The following ZNF182 variants were observed in gnomAD, a reference collection of about 807,000 sequenced individuals.
ZNF182 encodes zinc finger protein 21 (KOX 14).
In ZNF182, 10 loss-of-function variants were observed where a neutral mutation model predicts 28.1. That is an observed-to-expected ratio of 0.36 (90% CI 0.22 to 0.60). The LOEUF (loss-of-function observed/expected upper bound fraction) is 0.60. Ranked by LOEUF, ZNF182 falls within the 20% of genes least tolerant of loss-of-function variation. ZNF182 has a pLI of 0.75. For missense variants in ZNF182, 352 were observed against 453.2 expected, an observed-to-expected ratio of 0.78 and a Z score of 2.03; for synonymous variants, 156 against 158.7, an observed-to-expected ratio of 0.98 and a Z score of 0.13.
At chrX:47,994,473 A>G (rs782743011) in intron 3 of ZNF182, among the ~76,000 whole-genome samples, 2 of 111,697 alleles carry the variant, frequency 1.8e-5, no homozygotes, top group Non-Finnish European at 3.8e-5. Context: ...AAGAACCAGG[A>G]ACAACAGAGC....
chrX:47,986,079 T>C (rs978856117), intron 3 of ZNF182, among the ~76,000 whole-genome samples: 1 of 112,098 alleles, frequency 8.9e-6, no homozygotes, highest in Non-Finnish European at 1.9e-5. Context: ...AATGGGAAAC[T>C]ACACCAACCC....
intron 3 of ZNF182, among the ~76,000 whole-genome samples, chrX:47,991,794 G>A (rs73632373): frequency 0.021 from 2,375 of 110,591 alleles, 67 homozygotes; most frequent in African/African-American, 0.074. Flanking sequence ...AACAACGGAA[G>A]GCAACCCAGG....
chrX:47,976,748 C>T lies in ZNF182; in HGVS notation c.1282G>A (p.Val428Ile), dbSNP rs1556898208. 5 of 1,210,809 alleles carry T rather than the reference C, an allele frequency of 4.1e-6. No individual in the cohort carries two copies. The South Asian group carries it at 5.3e-5, about 13-fold the overall frequency. Residue 428 changes from valine (V) to isoleucine (I), a missense_variant, in exon 6 of 6, where the codon GTA (valine) becomes ATA (isoleucine). Transcript: ENST00000376943. ...KTFTQKSNLG[V>I]HQRTHSGEKP... is the part of the protein sequence containing the mutation. Reference sequence around the variant, plus strand: ...TCTCCTGAATGAGTTCTCTGATGTACACCAAGGTTTGACTTTTGCGTGAAG... The same window carrying T: ...TCTCCTGAATGAGTTCTCTGATGTATACCAAGGTTTGACTTTTGCGTGAAG...
intron 3 of ZNF182, among the ~76,000 whole-genome samples, chrX:47,994,752 C>T (rs1455554731): frequency 9.0e-6 from 1 of 111,032 alleles, no homozygotes; most frequent in Non-Finnish European, 1.9e-5. Context: ...GATTCTCCCA[C>T]CTCAGCCTCC....
Position 47,976,037 on chromosome X carries a change from T to C in ZNF182, c.*130A>G. The C allele has an allele frequency of 1.4e-6, 1 of 700,136 alleles. No individual in the cohort carries two copies. The highest frequency in any genetic ancestry group is 2.0e-6 in the Non-Finnish European group (1 of 498,176). 57.7% of individuals were successfully genotyped at this position (700,136 alleles called of 1,213,427 possible). On this transcript the variant is annotated 3_prime_UTR_variant, in exon 6 of 6. Transcript: ENST00000376943. ...TCTCCCGTAGCTTTTGGGTTATGAC[T>C]GAGATGAAAAGAAGAAAGGCTGAAT...
chrX:48,002,272 T>C (rs1479330686), intron 3 of ZNF182, among the ~76,000 whole-genome samples: 1 of 112,077 alleles, frequency 8.9e-6, no homozygotes, highest in African/African-American at 3.2e-5. Flanking sequence ...AAGAAATACC[T>C]TTAAACACAA....
Position 47,976,427 on chromosome X carries a change from T to C in ZNF182, c.1603A>G (p.Lys535Glu). Residue 535 changes from lysine (K) to glutamate (E), a missense_variant, in exon 6 of 6, where the codon AAG becomes GAG. Transcript: ENST00000376943. ...CPVCWKAFSQKSQLIIHQRTH... is the reference protein window; with the variant it reads ...CPVCWKAFSQESQLIIHQRTH... ...CTCTGATGTATTATGAGCTGTGACT[T>C]CTGGCTAAAAGCTTTCCAACACACA... is the stretch of plus-strand genomic sequence containing the variant. 8.3e-7 allele frequency: 1 copy of C among 1,211,863 alleles called. No homozygotes were observed.
At chrX:47,999,683 A>G (rs1193245682) in intron 3 of ZNF182, among the ~76,000 whole-genome samples, 1 of 111,944 alleles carries the variant, frequency 8.9e-6, no homozygotes, top group African/African-American at 3.3e-5. Context: ...TTTAGTGCAT[A>G]TTTTCAAATA....
intron 3 of ZNF182, among the ~76,000 whole-genome samples, chrX:47,984,847 A>G: frequency 8.9e-6 from 1 of 112,209 alleles, no homozygotes. Context: ...TCACCATGGG[A>G]GATAAACAGA....
intron 3 of ZNF182, among the ~76,000 whole-genome samples, chrX:47,990,924 C>A (rs1383740508): frequency 8.9e-6 from 1 of 112,128 alleles, no homozygotes; most frequent in Admixed American, 9.4e-5. Context: ...CATGCACATT[C>A]ATTCCCTTCC....
chrX:47,995,010 T>C (rs782534186), intron 3 of ZNF182, among the ~76,000 whole-genome samples: 1 of 108,829 alleles, frequency 9.2e-6, no homozygotes, highest in Non-Finnish European at 1.9e-5. Flanking sequence ...CCATCTGCAA[T>C]GAGAAAGAGT....
intron 3 of ZNF182, among the ~76,000 whole-genome samples, chrX:47,998,991 A>C (rs2058969191): frequency 8.9e-6 from 1 of 112,440 alleles, no homozygotes; most frequent in Non-Finnish European, 1.9e-5. Context: ...TGCAACAGTC[A>C]AGTTATGGAA....
intron 3 of ZNF182, among the ~76,000 whole-genome samples, chrX:47,998,042 C>T (rs925950028): frequency 2.3e-4 from 25 of 110,331 alleles, no homozygotes; most frequent in Middle Eastern, 4.6e-3. Context: ...ATACAAAACA[C>T]GCCACTATAA....
Position 47,977,482 on chromosome X carries a change from C to T in ZNF182, c.548G>A (p.Gly183Glu). Reference sequence around the variant, plus strand: ...CTCTTTATAGCCATAGGGCTTCATTCCAGGATTTGTTTTCTCATACTCAGT... The same window carrying T: ...CTCTTTATAGCCATAGGGCTTCATTTCAGGATTTGTTTTCTCATACTCAGT... The part of the protein sequence containing the change: ...FHTEYEKTNP[G>E]MKPYGYKECG... The change falls in exon 6 of 6, where the codon GGA (glycine) becomes GAA (glutamate). Residue 183 changes from glycine to glutamate, a missense_variant. Coordinates refer to ENST00000376943, the MANE Select transcript of ZNF182 (RefSeq NM_001007088.2). 8.3e-7 allele frequency: 1 copy of T among 1,211,859 alleles called. No homozygotes were observed. Among genetic ancestry groups the T allele is most frequent in the East Asian group, 3.0e-5 (1 of 33,850 alleles).
intron 3 of ZNF182, among the ~76,000 whole-genome samples, chrX:47,993,362 C>T (rs1289654756): frequency 8.9e-6 from 1 of 112,127 alleles, no homozygotes; most frequent in Non-Finnish European, 1.9e-5. Flanking sequence ...TAAGTGCTTT[C>T]CTGAGTTCTG....
rs2058912188 is a variant in ZNF182 at position 47,983,185 on chromosome X, C to A, written c.142+100G>T. 40 of 1,157,887 alleles carry A rather than the reference C, an allele frequency of 3.5e-5. 1 individual carries two copies. The South Asian group carries it at 7.0e-4, about 20-fold the overall frequency. On this transcript the variant is annotated intron_variant, in intron 4 of 5. Coordinates refer to ENST00000376943, the MANE Select transcript of ZNF182 (RefSeq NM_001007088.2). ...TTAACCTGCATTTTGAGCTCACAAA[C>A]ACTTTTTCAGGAGAGAAAAGAGGGA...
intron 3 of ZNF182, among the ~76,000 whole-genome samples, chrX:47,990,702 T>C (rs782266176): frequency 8.9e-6 from 1 of 111,895 alleles, no homozygotes; most frequent in East Asian, 2.8e-4. Flanking sequence ...AATTATATGA[T>C]TGGCAAGGTA....
At chrX:47,980,600 T>A (rs2058902210) in intron 5 of ZNF182, among the ~76,000 whole-genome samples, 2 of 111,686 alleles carry the variant, frequency 1.8e-5, no homozygotes, top group Admixed American at 9.6e-5. Context: ...TAAAACTTTT[T>A]AAAATGTTTA....
chrX:47,996,820 G>A (rs1179542604), intron 3 of ZNF182, among the ~76,000 whole-genome samples: 9 of 112,072 alleles, frequency 8.0e-5, no homozygotes, highest in Non-Finnish European at 1.5e-4. Context: ...TGTGAGCAGA[G>A]GAAAGGCCAT....
Sources: gnomAD v4.1 joint callset for allele counts (sites outside exome capture counted in the v4.1 genomes callset) on GRCh38, gnomAD v4.1.1 for gene constraint, MANE v1.5 for transcripts, NCBI Gene and HGNC (gene_info 2026-07-23, HGNC 2026-07-21) for gene names.